SI: variants seen among roughly 807,000 people sequenced by gnomAD.
SI encodes sucrase-isomaltase, also known as sucrase-isomaltase, intestinal.
SI carries 235 observed loss-of-function variants against 253.3 expected under a neutral mutation model. The observed-to-expected ratio is 0.93, with a 90% confidence interval of 0.83 to 1.03. SI has a LOEUF of 1.03. SI is among the 50% of genes least tolerant of loss of function. SI has a pLI of 0.00. For missense variants in SI, 2,442 were observed against 2,211.1 expected, an observed-to-expected ratio of 1.10 and a Z score of -2.09; for synonymous variants, 819 against 712.0, an observed-to-expected ratio of 1.15 and a Z score of -2.39.
In SI at chr3:165,023,669, T is replaced by G; in HGVS notation, c.3000A>C (p.Gln1000His). 6.2e-7 allele frequency: 1 copy of G among 1,610,834 alleles called. No individual in the cohort carries two copies. Among genetic ancestry groups the G allele is most frequent in the East Asian group, 2.2e-5 (1 of 44,686 alleles). Residue 1000 changes from glutamine (Q) to histidine (H), a missense_variant, in exon 26 of 48, where the codon CAA (glutamine) becomes CAC (histidine). Physicochemically the swap from Gln to His is conservative, Grantham distance 24. Transcript: ENST00000264382. ...YSSMGITADL[Q>H]LNTANARIKL... ...TTATTCTGGCATTTGCAGTATTTAG[T>G]TGGAGGTCAGCTGTTATACCCATGG...
At chr3:165,054,262 T>C (rs1713576415) in intron 13 of SI, among the ~76,000 whole-genome samples, 1 of 152,192 alleles carries the variant, frequency 6.6e-6, no homozygotes, top group Non-Finnish European at 1.5e-5. Context: ...GTGTCCATTA[T>C]GTACTTTTTC....
chr3:165,081,341 C>T (rs959531369), upstream of SI, among the ~76,000 whole-genome samples: 3 of 151,732 alleles, frequency 2.0e-5, no homozygotes, highest in African/African-American at 4.8e-5. Flanking sequence ...TTGTGAACAC[C>T]AAAAGTGAAT....
chr3:165,073,173 TC>T, intron 3 of SI, among the ~76,000 whole-genome samples: 2 of 616 alleles, frequency 3.2e-3, no homozygotes, highest in Non-Finnish European at 6.9e-3. Flanking sequence ...CAATCATTTC[TC>T]TCTCTCTCTC....
At chr3:165,019,210 A>G (rs185802018) in intron 28 of SI, among the ~76,000 whole-genome samples, 1 of 151,918 alleles carries the variant, frequency 6.6e-6, no homozygotes, top group Non-Finnish European at 1.5e-5. Context: ...TTATAAAGGG[A>G]AAAAAGATCA....
At chr3:165,010,920 T>C (rs149867548) in intron 34 of SI, among the ~76,000 whole-genome samples, 1 of 152,302 alleles carries the variant, frequency 6.6e-6, no homozygotes, top group African/African-American at 2.4e-5. Context: ...ATAACACTTT[T>C]TTCCTCAATG....
At position 165,067,521 on chromosome 3, in the gene SI, T is replaced by G. The variant is rs1286957692; in HGVS notation, c.484-30A>C. ...AAAGATTTAAGCAAGGTAGCATTACTGGATTCTAAACTATTATTTAATATT... is the reference window on the plus strand; with the variant it reads ...AAAGATTTAAGCAAGGTAGCATTACGGGATTCTAAACTATTATTTAATATT... On this transcript the variant is annotated intron_variant, in intron 5 of 47. Coordinates refer to ENST00000264382, the MANE Select transcript of SI (RefSeq NM_001041.4). The G allele has an allele frequency of 3.2e-6, 5 of 1,563,212 alleles. No individual in the cohort carries two copies. In the African/African-American group the frequency reaches 6.8e-5, roughly 21 times the overall value.
the SI span, among the ~76,000 whole-genome samples, chr3:165,086,019 C>T: frequency 6.6e-6 from 1 of 151,886 alleles, no homozygotes; most frequent in East Asian, 1.9e-4. Context: ...GTTAGGAGGC[C>T]GAGGTGGGTG....
At chr3:165,034,219 T>C (rs1712403772) in intron 22 of SI, among the ~76,000 whole-genome samples, 1 of 151,872 alleles carries the variant, frequency 6.6e-6, no homozygotes, top group Non-Finnish European at 1.5e-5. Context: ...TTAATCAGAA[T>C]TCTGGTTTTC....
rs765424222 is a variant in SI, at chr3:165,017,759, A to G, written c.3633+2T>C. 1.2e-6 allele frequency: 2 copies of G among 1,608,724 alleles called. No homozygotes were observed. The highest frequency in any genetic ancestry group is 8.5e-7 in the Non-Finnish European group (1 of 1,175,812). ...TTTTTTAAAAGAAATATGCAATCATACTTCATGGTATTGCTTTGTTGCAAC... is the reference window on the plus strand; with the variant it reads ...TTTTTTAAAAGAAATATGCAATCATGCTTCATGGTATTGCTTTGTTGCAAC... On this transcript the variant is annotated splice_donor_variant, in intron 30 of 47. Transcript: ENST00000264382. LOFTEE classifies it high-confidence loss of function.
chr3:165,015,037 C>G (rs1002940547), intron 33 of SI, 86 bp downstream of exon 33: 1 of 950,708 alleles, frequency 1.1e-6, no homozygotes, highest in South Asian at 1.4e-5. Flanking sequence ...CTCTCCTGAA[C>G]GGTTTTAACT....
chr3:165,013,313 C>A (rs942859912), intron 33 of SI, among the ~76,000 whole-genome samples: 2 of 151,806 alleles, frequency 1.3e-5, no homozygotes, highest in South Asian at 2.1e-4. Context: ...TACATATAAC[C>A]AAAAGGTTCT....
rs759374070 is a variant in SI, at chr3:165,033,409, A to G, written c.2551T>C (p.Phe851Leu). The change falls in exon 23 of 48, where the codon TTT (phenylalanine) becomes CTT (leucine). Residue 851 changes from phenylalanine (F) to leucine (L), a missense_variant. Transcript: ENST00000264382. ...AGAGTGCTTACATTAGAAACTGAAA[A>G]TGTATATAATATGTAGTTGCCATTT... ...IQNGNYILYT[F>L]SVSNNTLDIV... 3.2e-6 allele frequency: 5 copies of G among 1,557,810 alleles called. No individual in the cohort carries two copies. The African/African-American group carries it at 4.1e-5, about 13-fold the overall frequency.
In SI at chr3:164,982,353, G is replaced by A; in HGVS notation, c.5305C>T (p.Leu1769Phe). The A allele has an allele frequency of 6.2e-7, 1 of 1,612,566 alleles. No individual in the cohort carries two copies. Among genetic ancestry groups the A allele is most frequent in the Non-Finnish European group, 8.5e-7 (1 of 1,178,950 alleles). Residue 1769 changes from leucine to phenylalanine, a missense_variant, in exon 47 of 48, where the codon CTT (leucine) becomes TTT (phenylalanine). By Grantham distance (22) the Leu-to-Phe change is conservative (BLOSUM62 0). Transcript: ENST00000264382. ...RGYINKSETR[L>F]GSLHVWGKGT... ...TTCCCCCATACATGAAGGGATCCAA[G>A]CCTCGTTTCACTTTTATTTATGTAA... is the stretch of plus-strand genomic sequence containing the variant.
chr3:164,998,542 A>G lies in SI; in HGVS notation c.4538T>C (p.Ile1513Thr), dbSNP rs1219075046. The stretch of plus-strand genomic sequence containing the variant: ...TAAAGATGGTGACTTTCACTTACCA[A>G]TGATTGATTTGTCCATGTTGTCCCA... Reference protein sequence around the residue: ...ARWDNMDKSIIGMMEFSLFGM... With the variant: ...ARWDNMDKSITGMMEFSLFGM... The change falls in exon 38 of 48, where the codon ATT becomes ACT. Residue 1513 changes from isoleucine (I) to threonine (T), a missense_variant and splice_region_variant. Coordinates refer to ENST00000264382, the MANE Select transcript of SI (RefSeq NM_001041.4). 1.9e-6 allele frequency: 3 copies of G among 1,611,936 alleles called. No homozygotes were observed. Among genetic ancestry groups the G allele is most frequent in the Admixed American group, 1.7e-5 (1 of 59,792 alleles).
At position 164,979,378 on chromosome 3, in the gene SI, T is replaced by G. The variant is rs1395908573; in HGVS notation, c.5468A>C (p.Glu1823Ala). The change falls in exon 48 of 48, where the codon GAA becomes GCA. Residue 1823 changes from glutamate (E) to alanine (A), a missense_variant. Glu to Ala is a moderately radical substitution (Grantham distance 107, BLOSUM62 -1). Transcript: ENST00000264382. ...TGGTGATCTTCATGACCAGTTGATT[T>G]CTATTGGTTCTTCTAGAGTAACATT... ...THNVTLEEPI[E>A]INWS is the part of the protein sequence containing the mutation. 1 of 1,588,242 alleles carries G rather than the reference T, an allele frequency of 6.3e-7. No homozygotes were observed. The highest frequency in any genetic ancestry group is 1.7e-5 in the Admixed American group (1 of 59,714).
chr3:165,053,715 C>T (rs143913479), intron 13 of SI, among the ~76,000 whole-genome samples: 1 of 152,272 alleles, frequency 6.6e-6, no homozygotes, highest in Non-Finnish European at 1.5e-5. Flanking sequence ...GCAACACTCT[C>T]TCTTTCTATA....
At chr3:165,062,599 A>G in intron 8 of SI, 116 bp from the exon 9 acceptor site, 1 of 630,420 alleles carries the variant, frequency 1.6e-6, no homozygotes. Context: ...ATATGTTTAA[A>G]TAATTAAGAA....
chr3:164,991,262 G>A, intron 44 of SI, 91 bp downstream of exon 44: 1 of 1,423,610 alleles, frequency 7.0e-7, no homozygotes, highest in Admixed American at 1.7e-5. Flanking sequence ...GCTTGGCGAT[G>A]GGTTAAAATT....
chr3:165,089,753 T>G, the SI span, among the ~76,000 whole-genome samples: 1 of 152,048 alleles, frequency 6.6e-6, no homozygotes, highest in African/African-American at 2.4e-5. Flanking sequence ...CTACCAGGAT[T>G]CAGTGTGGAC....
Sources: allele counts gnomAD v4.1 joint callset (sites outside exome capture counted in the v4.1 genomes callset), GRCh38; gene constraint gnomAD v4.1.1; transcripts MANE v1.5; gene names NCBI Gene and HGNC (gene_info 2026-07-23, HGNC 2026-07-21).